Variants in ADAMTSL3 observed in about 807,000 individuals in gnomAD.
ADAMTSL3 encodes ADAMTS-like protein 3.
A neutral mutation model predicts 201.7 loss-of-function variants in ADAMTSL3; 128 were observed. The ratio of observed to expected loss-of-function variants is 0.63; its 90% CI spans 0.55 to 0.73. The LOEUF is 0.73. Ranked by LOEUF, ADAMTSL3 falls within the 30% of genes least tolerant of loss-of-function variation. The pLI, the probability that ADAMTSL3 is intolerant of heterozygous loss-of-function variation, is 0.00. For missense variants in ADAMTSL3, 1,990 were observed against 2,119.6 expected (o/e 0.94, Z 1.20); for synonymous variants, 738 against 748.4 (o/e 0.99, Z 0.23).
chr15:83,865,458 G>A (rs959071795), intron 8 of ADAMTSL3, among the ~76,000 whole-genome samples: 12 of 151,964 alleles, frequency 7.9e-5, no homozygotes, highest in Admixed American at 2.0e-4. Flanking sequence ...AAATAATGCC[G>A]CATATCTACA....
chr15:83,800,827 C>T (rs764296328), intron 4 of ADAMTSL3, among the ~76,000 whole-genome samples: 4 of 152,180 alleles, frequency 2.6e-5, no homozygotes, highest in South Asian at 2.1e-4. Context: ...AGCAACTTCC[C>T]TCAACTGGGG....
chr15:83,935,407 A>T (rs140037804), intron 17 of ADAMTSL3, among the ~76,000 whole-genome samples: 25 of 152,266 alleles, frequency 1.6e-4, no homozygotes, highest in African/African-American at 5.5e-4. Context: ...TAAGTGCCTT[A>T]TACTGTGAAA....
Position 83,819,887 on chromosome 15 carries a change from A to T in ADAMTSL3, c.440A>T (p.Tyr147Phe). ...AYNDVQYQGHYYEWLPRYNDP... is the reference protein window; with the variant it reads ...AYNDVQYQGHFYEWLPRYNDP... ...AATGATGTCCAGTATCAGGGGCATT[A>T]CTATGAATGGCTTCCACGATATAAT... Residue 147 changes from tyrosine to phenylalanine, a missense_variant, in exon 6 of 30, where the codon TAC (tyrosine) becomes TTC (phenylalanine). Physicochemically the swap from Tyr to Phe is conservative, Grantham distance 22. Transcript: ENST00000286744. 3 of 1,614,134 alleles carry T rather than the reference A, an allele frequency of 1.9e-6. No homozygotes were observed. The highest frequency in any genetic ancestry group is 2.5e-6 in the Non-Finnish European group (3 of 1,180,032).
chr15:83,942,779 A>G lies in ADAMTSL3; in HGVS notation c.2301A>G (p.Glu767=), dbSNP rs774752943. The change falls in exon 18 of 30, where the codon GAA becomes GAG. Residue 767 remains glutamate, a synonymous_variant. Coordinates refer to ENST00000286744, the MANE Select transcript of ADAMTSL3 (RefSeq NM_207517.3). ...FDCPPGWHIE[E]WQQCSRTCGG... ...GCCCTCCTGGCTGGCACATTGAAGA[A>G]TGGCAGCAGGTAGGGCAGACTGGCC... 7.4e-6 allele frequency: 12 copies of G among 1,613,326 alleles called. No individual in the cohort carries two copies. The Admixed American group carries it at 2.0e-4, about 27-fold the overall frequency.
At chr15:83,667,494 G>C (rs1372494404) in intron 2 of ADAMTSL3, among the ~76,000 whole-genome samples, 1 of 149,120 alleles carries the variant, frequency 6.7e-6, no homozygotes, top group Non-Finnish European at 1.5e-5. Flanking sequence ...AATGGTGCCA[G>C]CTTCCAAACA....
In ADAMTSL3 at chr15:83,870,432, G is replaced by C. The variant is rs570783405; in HGVS notation, c.803-370G>C. ...AAATTTGAAATTTGCTGTGATTTTT[G>C]TCTAAAAGAGTAGGCATAAGATCTT... is the stretch of plus-strand genomic sequence containing the variant. On this transcript the variant is annotated intron_variant, in intron 8 of 29. Transcript: ENST00000286744. Among the ~76,000 whole-genome samples, 9 of 152,238 alleles carry C rather than the reference G, an allele frequency of 5.9e-5. No individual in the cohort carries two copies. The South Asian group carries it at 8.3e-4, about 14-fold the overall frequency.
chr15:84,029,556 T>G (rs1029150557), intron 27 of ADAMTSL3, among the ~76,000 whole-genome samples: 2 of 152,182 alleles, frequency 1.3e-5, no homozygotes, highest in South Asian at 4.1e-4. Flanking sequence ...TGACTTGGAA[T>G]TGGAACTTAT....
intron 27 of ADAMTSL3, among the ~76,000 whole-genome samples, chr15:84,026,065 A>G (rs1006986526): frequency 1.1e-4 from 16 of 152,212 alleles, no homozygotes; most frequent in African/African-American, 3.6e-4. Flanking sequence ...CAATAAAGAC[A>G]TAAATTTTTA....
At chr15:83,674,746 C>CACACATATATAT (rs2061374980) in intron 2 of ADAMTSL3, among the ~76,000 whole-genome samples, 1 of 101,842 alleles carries the variant, frequency 9.8e-6, no homozygotes, top group South Asian at 3.5e-4. Context: ...CACATATATA[C>CACACATATATAT]ATATATACAC....
intron 18 of ADAMTSL3, 52 bp from the exon 19 acceptor site, chr15:83,942,851 A>G (rs529694804): frequency 6.2e-7 from 1 of 1,606,310 alleles, no homozygotes; most frequent in South Asian, 1.1e-5. Flanking sequence ...CCTGCACTGC[A>G]CTAACATAGA....
At chr15:83,978,360 T>C (rs760791645) in intron 20 of ADAMTSL3, among the ~76,000 whole-genome samples, 1 of 152,134 alleles carries the variant, frequency 6.6e-6, no homozygotes, top group Non-Finnish European at 1.5e-5. Context: ...TTTTCTAGAA[T>C]GTGGCATTTC....
At chr15:83,856,993 A>T (rs950112752) in intron 7 of ADAMTSL3, among the ~76,000 whole-genome samples, 2 of 151,142 alleles carry the variant, frequency 1.3e-5, no homozygotes, top group Admixed American at 1.3e-4. Flanking sequence ...TTGTTTTGTT[A>T]TTTTTTTTGT....
At chr15:83,743,279 C>T (rs368452535) in intron 3 of ADAMTSL3, among the ~76,000 whole-genome samples, 14 of 151,834 alleles carry the variant, frequency 9.2e-5, no homozygotes, top group South Asian at 4.2e-4. Flanking sequence ...TTTGGGAGGC[C>T]GAGGCGGGTG....
At chr15:83,918,560 A>G (rs572930859) in intron 16 of ADAMTSL3, among the ~76,000 whole-genome samples, 1 of 152,204 alleles carries the variant, frequency 6.6e-6, no homozygotes, top group Admixed American at 6.5e-5. Flanking sequence ...GAAAGAGCAT[A>G]TGCAAAGGCC....
At chr15:83,657,670 C>T (rs539681281) in intron 2 of ADAMTSL3, among the ~76,000 whole-genome samples, 1 of 152,262 alleles carries the variant, frequency 6.6e-6, no homozygotes, top group East Asian at 1.9e-4. Context: ...TCTGCTGTTG[C>T]TGCTGCTTGT....
chr15:83,814,260 CT>C (rs2063738755), intron 5 of ADAMTSL3, among the ~76,000 whole-genome samples: 1 of 152,154 alleles, frequency 6.6e-6, no homozygotes, highest in African/African-American at 2.4e-5. Context: ...GAGTCACCCC[CT>C]CTCATGTCTG....
At chr15:83,794,604 A>G (rs569469930) in intron 4 of ADAMTSL3, among the ~76,000 whole-genome samples, 1 of 152,326 alleles carries the variant, frequency 6.6e-6, no homozygotes, top group South Asian at 2.1e-4. Flanking sequence ...TCTTGAAATG[A>G]CAGAAATTAT....
chr15:83,723,328 C>A (rs995566738), intron 3 of ADAMTSL3, among the ~76,000 whole-genome samples: 1 of 152,122 alleles, frequency 6.6e-6, no homozygotes, highest in Non-Finnish European at 1.5e-5. Context: ...GGGCAGAGAT[C>A]AAGTTTATAT....
intron 2 of ADAMTSL3, among the ~76,000 whole-genome samples, chr15:83,689,034 G>A (rs1420581986): frequency 1.3e-5 from 2 of 151,994 alleles, no homozygotes; most frequent in African/African-American, 4.8e-5. Context: ...TGTTGCCCAG[G>A]CTGGTCTCGA....
Sources: gnomAD v4.1 joint callset for allele counts (sites outside exome capture counted in the v4.1 genomes callset) on GRCh38, gnomAD v4.1.1 for gene constraint, MANE v1.5 for transcripts, NCBI Gene and HGNC (gene_info 2026-07-23, HGNC 2026-07-21) for gene names.